CYP2J2: variants seen among roughly 807,000 people sequenced by gnomAD.
CYP2J2 encodes the protein cytochrome P450 2J2.
Under a neutral mutation model 48.8 loss-of-function variants are expected in CYP2J2, and 41 were observed. The observed-to-expected ratio is 0.84, with a 90% CI of 0.66 to 1.09. The LOEUF (loss-of-function observed/expected upper bound fraction) is 1.09, where lower values mean the gene tolerates loss of function less well. CYP2J2 is among the 50% of genes least tolerant of loss of function. The pLI, the probability that CYP2J2 is intolerant of heterozygous loss-of-function variation, is 0.00. For missense variants in CYP2J2, 644 were observed against 617.3 expected (o/e 1.04, Z -0.46); for synonymous variants, 221 against 227.1 (o/e 0.97, Z 0.24).
chr1:59,901,997 G>A (rs1217419021), intron 7 of CYP2J2, among the ~76,000 whole-genome samples: 1 of 152,118 alleles, frequency 6.6e-6, no homozygotes, highest in African/African-American at 2.4e-5. Flanking sequence ...CCTGGTCCTG[G>A]TCTGCACTAC....
At chr1:59,903,852 G>A (rs1373165659) in intron 7 of CYP2J2, among the ~76,000 whole-genome samples, 2 of 152,172 alleles carry the variant, frequency 1.3e-5, no homozygotes, top group African/African-American at 4.8e-5. Context: ...TCATAGTTGA[G>A]AGATCTCATG....
intron 5 of CYP2J2, 116 bp downstream of exon 5, chr1:59,909,668 A>T: frequency 1.5e-6 from 1 of 672,750 alleles, no homozygotes. Flanking sequence ...GAGAGAATCA[A>T]TCTGTGCTAT....
the CYP2J2 span, among the ~76,000 whole-genome samples, chr1:59,964,873 T>G: frequency 6.6e-6 from 1 of 152,160 alleles, no homozygotes; most frequent in African/African-American, 2.4e-5. Flanking sequence ...CTTCACACTA[T>G]GTGGAGAAAT....
the CYP2J2 span, among the ~76,000 whole-genome samples, chr1:59,935,015 C>CGTATATATATATATATATATAT: frequency 2.1e-5 from 1 of 47,496 alleles, no homozygotes; most frequent in Non-Finnish European, 4.2e-5. Context: ...TATATATATA[C>CGTATATATATATATATATATAT]ATATATATAT....
chr1:59,909,672 G>T, intron 5 of CYP2J2, 112 bp downstream of exon 5: 1 of 695,182 alleles, frequency 1.4e-6, no homozygotes, highest in Non-Finnish European at 2.3e-6. Context: ...GAATCAATCT[G>T]TGCTATTTTA....
chr1:59,905,113 A>G (rs1387115594), intron 6 of CYP2J2, 55 bp from the exon 7 acceptor site: 41 of 1,543,968 alleles, frequency 2.7e-5, no homozygotes, highest in Non-Finnish European at 3.3e-5. Flanking sequence ...TTTATTATAA[A>G]GAGGTATGAG....
chr1:59,912,138 A>T, intron 3 of CYP2J2, 24 bp downstream of exon 3: 1 of 1,599,656 alleles, frequency 6.3e-7, no homozygotes, highest in Middle Eastern at 1.7e-4. Context: ...ACAGTCTCTC[A>T]CCTCTGTCAT....
At chr1:59,912,037 CACTG>C (rs1644421193) in intron 3 of CYP2J2, 121 bp downstream of exon 3, 5 of 1,107,096 alleles carry the variant, frequency 4.5e-6, no homozygotes, top group Admixed American at 5.9e-5. Flanking sequence ...CAGAGTTGTT[CACTG>C]TTCTATCTTC....
Position 59,904,969 on chromosome 1 carries a change from C to T in CYP2J2, c.1093G>A (p.Val365Ile), listed in dbSNP as rs766154927. Residue 365 changes from valine to isoleucine, a missense_variant, in exon 7 of 9, where the codon GTC becomes ATC. Physicochemically the swap from Val to Ile is conservative, Grantham distance 29. Coordinates refer to ENST00000371204, the MANE Select transcript of CYP2J2 (RefSeq NM_000775.4). Reference sequence around the variant, plus strand: ...CCCATTCTCTGCACCTCATGGATGACAGCATTGGTGTAGGGCATGGACTCC... The same window carrying T: ...CCCATTCTCTGCACCTCATGGATGATAGCATTGGTGTAGGGCATGGACTCC... ...ARESMPYTNA[V>I]IHEVQRMGNI... 1.2e-5 allele frequency: 19 copies of T among 1,613,838 alleles called. No homozygotes were observed. The highest frequency in any genetic ancestry group is 1.6e-5 in the Non-Finnish European group (19 of 1,179,902).
At chr1:59,968,653 A>T in the CYP2J2 span, among the ~76,000 whole-genome samples, 1 of 152,218 alleles carries the variant, frequency 6.6e-6, no homozygotes, top group African/African-American at 2.4e-5. Flanking sequence ...GGACAGTGAC[A>T]CCAGAGGATG....
At chr1:59,916,579 A>T (rs1644468132) in intron 1 of CYP2J2, among the ~76,000 whole-genome samples, 1 of 152,118 alleles carries the variant, frequency 6.6e-6, no homozygotes, top group African/African-American at 2.4e-5. Context: ...ACAAAAAAAT[A>T]AAAATTAGCT....
At chr1:59,948,417 A>G in the CYP2J2 span, among the ~76,000 whole-genome samples, 1 of 152,176 alleles carries the variant, frequency 6.6e-6, no homozygotes, top group Admixed American at 6.5e-5. Flanking sequence ...AGCATGCACC[A>G]ACAACATAAA....
chr1:59,935,019 T>TATATATATATATATATATATATAC, the CYP2J2 span, among the ~76,000 whole-genome samples: 9 of 41,920 alleles, frequency 2.1e-4, no homozygotes, highest in Non-Finnish European at 4.3e-4. Context: ...TATATACATA[T>TATATATATATATATATATATATAC]ATATATATAT....
chr1:59,929,235 C>T (rs1644591753), upstream of CYP2J2, among the ~76,000 whole-genome samples: 1 of 152,198 alleles, frequency 6.6e-6, no homozygotes, highest in Non-Finnish European at 1.5e-5. Context: ...CTAAATTAGT[C>T]AGTCCTGTCA....
chr1:59,925,072 A>G (rs949224172), intron 1 of CYP2J2, among the ~76,000 whole-genome samples: 1 of 152,156 alleles, frequency 6.6e-6, no homozygotes, highest in East Asian at 1.9e-4. Flanking sequence ...ATTACAGGAT[A>G]AAAGGATCAA....
the CYP2J2 span, among the ~76,000 whole-genome samples, chr1:59,937,834 G>A: frequency 6.6e-6 from 1 of 151,748 alleles, no homozygotes. Flanking sequence ...TCTTCTGCTT[G>A]ATCAACTCTG....
chr1:59,938,396 GAGA>G, the CYP2J2 span, among the ~76,000 whole-genome samples: 3 of 152,196 alleles, frequency 2.0e-5, no homozygotes, highest in Non-Finnish European at 4.4e-5. Context: ...TGATAGTGAG[GAGA>G]AGGTCAGCAA....
chr1:59,946,033 G>A, the CYP2J2 span, among the ~76,000 whole-genome samples: 1 of 152,172 alleles, frequency 6.6e-6, no homozygotes, highest in African/African-American at 2.4e-5. Context: ...GAACATTCAT[G>A]CACAATCGTG....
chr1:59,922,268 G>C (rs1218098682), intron 1 of CYP2J2, among the ~76,000 whole-genome samples: 1 of 152,104 alleles, frequency 6.6e-6, no homozygotes. Context: ...TTCACTGTTC[G>C]TTCTCAGTCA....
Sources: gnomAD v4.1 joint callset for allele counts (sites outside exome capture counted in the v4.1 genomes callset) on GRCh38, gnomAD v4.1.1 for gene constraint, MANE v1.5 for transcripts, NCBI Gene and HGNC (gene_info 2026-07-23, HGNC 2026-07-21) for gene names.